ITGA9: variants seen among roughly 807,000 people sequenced by gnomAD.
ITGA9 encodes integrin subunit alpha 9.
Under a neutral mutation model 127.8 loss-of-function variants are expected in ITGA9, and 56 were observed. The observed-to-expected ratio is 0.44, with a 90% confidence interval of 0.35 to 0.55. The LOEUF is 0.55. Ranked by LOEUF, ITGA9 falls within the 20% of genes least tolerant of loss-of-function variation. ITGA9 has a pLI of 0.00. For missense variants in ITGA9, 1,196 were observed against 1,347.1 expected, an observed-to-expected ratio of 0.89 and a Z score of 1.76; for synonymous variants, 508 against 514.5, an observed-to-expected ratio of 0.99 and a Z score of 0.17.
chr3:37,556,576 G>A (rs554973755), intron 15 of ITGA9, among the ~76,000 whole-genome samples: 4 of 152,316 alleles, frequency 2.6e-5, no homozygotes, highest in East Asian at 1.9e-4. Context: ...TCACGTTAGC[G>A]TGCACACGAA....
At chr3:37,795,843 A>G (rs1697165891) in intron 26 of ITGA9, among the ~76,000 whole-genome samples, 1 of 152,154 alleles carries the variant, frequency 6.6e-6, no homozygotes, top group Non-Finnish European at 1.5e-5. Context: ...TTTCCCCCGC[A>G]GCCCTCTCAC....
At chr3:37,633,878 TA>T (rs1700252002) in intron 16 of ITGA9, among the ~76,000 whole-genome samples, 1 of 152,172 alleles carries the variant, frequency 6.6e-6, no homozygotes, top group Non-Finnish European at 1.5e-5. Context: ...GCTTTTGAAA[TA>T]AAAAATTTGA....
intron 15 of ITGA9, among the ~76,000 whole-genome samples, chr3:37,571,827 C>A (rs1179182645): frequency 6.6e-6 from 1 of 151,872 alleles, no homozygotes; most frequent in East Asian, 1.9e-4. Context: ...AGGGAGGAGT[C>A]CTTGTCCATC....
chr3:37,497,090 A>T (rs747520312), intron 5 of ITGA9, among the ~76,000 whole-genome samples: 8 of 151,946 alleles, frequency 5.3e-5, no homozygotes, highest in Non-Finnish European at 1.0e-4. Context: ...TAAAATATTG[A>T]CCATTTGTAT....
chr3:37,656,357 C>T (rs952413388), intron 17 of ITGA9, among the ~76,000 whole-genome samples: 2 of 152,142 alleles, frequency 1.3e-5, no homozygotes, highest in African/African-American at 2.4e-5. Context: ...TTTGTGTCCT[C>T]CCTTATTTCC....
chr3:37,492,870 C>G (rs145188786), intron 4 of ITGA9, among the ~76,000 whole-genome samples: 2 of 152,164 alleles, frequency 1.3e-5, no homozygotes, highest in African/African-American at 4.8e-5. Flanking sequence ...TCCTTTTTGC[C>G]GTTGTGCTAT....
intron 17 of ITGA9, among the ~76,000 whole-genome samples, chr3:37,666,185 A>AG: frequency 6.6e-6 from 1 of 152,186 alleles, no homozygotes; most frequent in Non-Finnish European, 1.5e-5. Context: ...CGGAAGCACA[A>AG]GGGAGGCAGC....
chr3:37,615,001 T>C (rs1336837578), intron 15 of ITGA9, among the ~76,000 whole-genome samples: 2 of 152,200 alleles, frequency 1.3e-5, no homozygotes, highest in African/African-American at 4.8e-5. Context: ...TCCAACACTA[T>C]GTTGAATAGG....
chr3:37,738,401 C>T (rs1456077795), intron 20 of ITGA9, among the ~76,000 whole-genome samples: 5 of 152,166 alleles, frequency 3.3e-5, no homozygotes, highest in Admixed American at 2.0e-4. Context: ...ACTGGGGATT[C>T]GTGCACCTTC....
chr3:37,693,135 C>T (rs770017745), intron 18 of ITGA9, among the ~76,000 whole-genome samples: 1 of 152,138 alleles, frequency 6.6e-6, no homozygotes, highest in Admixed American at 6.5e-5. Context: ...GAGGAATGTG[C>T]TTCGTACCTG....
At chr3:37,633,055 A>T (rs993982943) in intron 16 of ITGA9, among the ~76,000 whole-genome samples, 3 of 152,202 alleles carry the variant, frequency 2.0e-5, no homozygotes, top group African/African-American at 7.2e-5. Flanking sequence ...AACTCTCAAA[A>T]GTCTAATGAC....
chr3:37,692,035 C>T (rs1700837395), intron 18 of ITGA9, among the ~76,000 whole-genome samples: 1 of 152,108 alleles, frequency 6.6e-6, no homozygotes, highest in South Asian at 2.1e-4. Context: ...GTTGAGATTC[C>T]AACTCTGTTT....
intron 23 of ITGA9, among the ~76,000 whole-genome samples, chr3:37,766,815 G>A (rs1696784873): frequency 6.6e-6 from 1 of 152,142 alleles, no homozygotes; most frequent in African/African-American, 2.4e-5. Flanking sequence ...CATGTCAAGT[G>A]CTCAGATAAC....
intron 15 of ITGA9, among the ~76,000 whole-genome samples, chr3:37,571,525 T>C (rs755864887): frequency 1.3e-4 from 20 of 152,072 alleles, no homozygotes; most frequent in Non-Finnish European, 1.9e-4. Flanking sequence ...AGACCAGTGG[T>C]TCTTAAACTT....
chr3:37,466,864 C>G (rs1698378909), intron 1 of ITGA9, among the ~76,000 whole-genome samples: 1 of 152,168 alleles, frequency 6.6e-6, no homozygotes, highest in Non-Finnish European at 1.5e-5. Flanking sequence ...ATGTGGTAAC[C>G]ATAGCAGAAA....
chr3:37,649,976 G>C (rs1700414633), intron 16 of ITGA9, among the ~76,000 whole-genome samples: 1 of 152,190 alleles, frequency 6.6e-6, no homozygotes, highest in Admixed American at 6.5e-5. Flanking sequence ...GATCAACACA[G>C]CTCTCTGTTC....
At chr3:37,565,376 T>C (rs1006544037) in intron 15 of ITGA9, among the ~76,000 whole-genome samples, 1 of 152,200 alleles carries the variant, frequency 6.6e-6, no homozygotes, top group African/African-American at 2.4e-5. Context: ...AGGCAAATAA[T>C]TGATCACTCT....
chr3:37,491,986 G>T (rs1468595513), intron 4 of ITGA9, among the ~76,000 whole-genome samples: 1 of 152,178 alleles, frequency 6.6e-6, no homozygotes, highest in East Asian at 1.9e-4. Context: ...GGAAGGTGTG[G>T]AATGTGAAAC....
chr3:37,516,436 C>T (rs1698984255), intron 9 of ITGA9, among the ~76,000 whole-genome samples: 1 of 152,094 alleles, frequency 6.6e-6, no homozygotes, highest in Non-Finnish European at 1.5e-5. Context: ...AAGTGAGAGG[C>T]ATCATAAGAT....
Sources: gnomAD v4.1 joint callset for allele counts (sites outside exome capture counted in the v4.1 genomes callset) on GRCh38, gnomAD v4.1.1 for gene constraint, MANE v1.5 for transcripts, NCBI Gene and HGNC (gene_info 2026-07-23, HGNC 2026-07-21) for gene names.